OTC: variants seen among roughly 807,000 people sequenced by gnomAD.
OTC encodes the protein ornithine transcarbamylase, also known as ornithine transcarbamylase, mitochondrial.
In OTC, 3 loss-of-function variants were observed where a neutral mutation model predicts 30.3. That is an observed-to-expected ratio of 0.10 (90% CI 0.05 to 0.26). OTC has a LOEUF of 0.26. Among genes scored for constraint, OTC ranks in the 10% least tolerant of loss-of-function variants. The probability of loss-of-function intolerance (pLI) is 1.00; values close to 1 mark genes in which losing one functional copy is unlikely to be tolerated. For synonymous variants in OTC, 111 were observed against 99.7 expected (o/e 1.11, Z -0.67); for missense variants, 194 against 260.3 (o/e 0.75, Z 1.75).
At chrX:38,396,884 G>A (rs2068460661) in intron 4 of OTC, among the ~76,000 whole-genome samples, 1 of 111,977 alleles carries the variant, frequency 8.9e-6, no homozygotes, top group Non-Finnish European at 1.9e-5. Context: ...ACTGGTGCTA[G>A]CCAACCGCTG....
intron 1 of OTC, 93 bp downstream of exon 1, chrX:38,352,866 G>T (rs891125293): frequency 3.1e-6 from 2 of 637,632 alleles, no homozygotes; most frequent in Admixed American, 2.3e-5. Context: ...GCAGAATGTA[G>T]TGCCACGCTC....
At chrX:38,357,617 C>A (rs1022316038) in intron 1 of OTC, among the ~76,000 whole-genome samples, 1 of 112,232 alleles carries the variant, frequency 8.9e-6, no homozygotes, top group Non-Finnish European at 1.9e-5. Context: ...TACAATTATA[C>A]CAGGAATACA....
intron 4 of OTC, among the ~76,000 whole-genome samples, chrX:38,391,332 C>T (rs1305486147): frequency 9.0e-6 from 1 of 110,904 alleles, no homozygotes; most frequent in Non-Finnish European, 1.9e-5. Context: ...CAACATGGCA[C>T]ATGTATACAT....
chrX:38,329,036 G>A, the OTC span, among the ~76,000 whole-genome samples: 5 of 112,322 alleles, frequency 4.5e-5, no homozygotes, highest in Non-Finnish European at 7.5e-5. Flanking sequence ...TATCATAATT[G>A]TTACTACGGG....
the OTC span, among the ~76,000 whole-genome samples, chrX:38,333,320 G>C: frequency 1.8e-5 from 2 of 110,614 alleles, no homozygotes; most frequent in South Asian, 3.9e-4. Flanking sequence ...ATGTGCCTCT[G>C]TGCACTGCAG....
At position 38,412,008 on chromosome X, in the gene OTC, GA is replaced by G; in HGVS notation, c.1005+12del. On this transcript the variant is annotated intron_variant, in intron 9 of 9. Transcript: ENST00000039007. Reference sequence around the variant, plus strand: ...GAAAGTGGACAATCATGGTAAGCAAGAAACAAGGAATGGAGGATAAGTTCTT... The same window carrying G: ...GAAAGTGGACAATCATGGTAAGCAAGAACAAGGAATGGAGGATAAGTTCTT... 8.3e-7 allele frequency: 1 copy of G among 1,208,695 alleles called. No individual in the cohort carries two copies. The highest frequency in any genetic ancestry group is 3.0e-5 in the East Asian group (1 of 33,790).
chrX:38,352,868 G>A lies in OTC; in HGVS notation c.77+95G>A, dbSNP rs1055999252. 8.1e-6 allele frequency: 5 copies of A among 618,846 alleles called. No homozygotes were observed. In the East Asian group the frequency reaches 1.0e-4, roughly 13 times the overall value. 51.0% of individuals were successfully genotyped at this position (618,846 alleles called of 1,213,427 possible). On this transcript the variant is annotated intron_variant, in intron 1 of 9. Transcript: ENST00000039007. ...AAGGCCTCTTTCTGCAGAATGTAGT[G>A]CCACGCTCTGCTTTACTCTTATTTG... is the stretch of plus-strand genomic sequence containing the variant.
At chrX:38,333,215 C>CAA in the OTC span, among the ~76,000 whole-genome samples, 313 of 47,152 alleles carry the variant, frequency 6.6e-3, 1 homozygote, top group African/African-American at 0.013. Context: ...AACTCTGTCT[C>CAA]AAAAAAAAAA....
intron 3 of OTC, among the ~76,000 whole-genome samples, chrX:38,376,676 G>A (rs2068349732): frequency 8.9e-6 from 1 of 112,019 alleles, no homozygotes. Context: ...AACTACAAAA[G>A]AGCAGGAGTA....
the OTC span, among the ~76,000 whole-genome samples, chrX:38,340,648 TA>T: frequency 1.8e-5 from 2 of 109,870 alleles, no homozygotes; most frequent in Non-Finnish European, 3.8e-5. Context: ...ATGAAACAAA[TA>T]AGAAGAATCA....
At chrX:38,375,657 G>C (rs1204633720) in intron 3 of OTC, among the ~76,000 whole-genome samples, 1 of 111,246 alleles carries the variant, frequency 9.0e-6, no homozygotes, top group Non-Finnish European at 1.9e-5. Context: ...GAAAGGGGAA[G>C]GTTGGGAATT....
At chrX:38,380,813 C>G (rs2068372191) in intron 3 of OTC, among the ~76,000 whole-genome samples, 1 of 111,735 alleles carries the variant, frequency 8.9e-6, no homozygotes, top group Non-Finnish European at 1.9e-5. Flanking sequence ...ACTACAACCC[C>G]TGCCTCCCAG....
intron 4 of OTC, among the ~76,000 whole-genome samples, chrX:38,388,003 T>G (rs1054785149): frequency 5.4e-5 from 6 of 111,857 alleles, no homozygotes; most frequent in Middle Eastern, 4.6e-3. Flanking sequence ...AAGTCCAAGT[T>G]CCTAGATGCT....
intron 1 of OTC, among the ~76,000 whole-genome samples, chrX:38,357,356 A>C (rs1045003145): frequency 1.8e-5 from 2 of 112,696 alleles, no homozygotes; most frequent in Non-Finnish European, 3.7e-5. Flanking sequence ...AGAATATCTC[A>C]GTAAAGAAAA....
intron 3 of OTC, among the ~76,000 whole-genome samples, chrX:38,375,404 T>C (rs927510187): frequency 1.8e-5 from 2 of 111,848 alleles, no homozygotes; most frequent in African/African-American, 6.5e-5. Flanking sequence ...AACTGTGGAA[T>C]AGACTGTGGG....
At chrX:38,385,796 C>G (rs2147332928) in intron 4 of OTC, among the ~76,000 whole-genome samples, 1 of 112,126 alleles carries the variant, frequency 8.9e-6, no homozygotes, top group South Asian at 3.7e-4. Context: ...TACAGCAGAT[C>G]TTTAGAACTT....
At chrX:38,332,504 T>A in the OTC span, among the ~76,000 whole-genome samples, 28 of 39,343 alleles carry the variant, frequency 7.1e-4, no homozygotes, top group African/African-American at 1.7e-3. Flanking sequence ...GCCCTAGATT[T>A]TATATATATA....
intron 3 of OTC, among the ~76,000 whole-genome samples, chrX:38,381,069 C>T (rs1442421781): frequency 8.9e-6 from 1 of 112,025 alleles, no homozygotes; most frequent in East Asian, 2.8e-4. Flanking sequence ...GGCATAGCCC[C>T]AAAGAGGGAA....
chrX:38,337,445 C>A, the OTC span, among the ~76,000 whole-genome samples: 1 of 111,840 alleles, frequency 8.9e-6, no homozygotes, highest in Non-Finnish European at 1.9e-5. Context: ...TCCAAATTTC[C>A]TTGCCTCCAG....
Sources: allele counts gnomAD v4.1 joint callset (sites outside exome capture counted in the v4.1 genomes callset), GRCh38; gene constraint gnomAD v4.1.1; transcripts MANE v1.5; gene names NCBI Gene and HGNC (gene_info 2026-07-23, HGNC 2026-07-21).